RNU5A-1: variants seen among roughly 807,000 people sequenced by gnomAD.
RNU5A-1 encodes RNA, U5A small nuclear 1, also known as RNA, U5C small nuclear.
chr15:65,296,163 G>C (rs143981263), exon 1 of RNU5A-1: 2 of 152,166 alleles, frequency 1.3e-5, no homozygotes, highest in African/African-American at 4.8e-5. Context: ...GCTTTGGCAA[G>C]GCTATATGTG....
exon 1 of RNU5A-1, chr15:65,296,058 G>A (rs566067530): frequency 5.3e-5 from 8 of 152,260 alleles, no homozygotes; most frequent in African/African-American, 1.4e-4. Flanking sequence ...GGTATACTCT[G>A]GTTTCTCTTC....
At chr15:65,296,104 T>A (rs2090716832) in exon 1 of RNU5A-1, 1 of 152,190 alleles carries the variant, frequency 6.6e-6, no homozygotes, top group Non-Finnish European at 1.5e-5. Context: ...ACTAAAGATT[T>A]CCGTGGAGAG....
chr15:65,296,101 A>T (rs1017600771), exon 1 of RNU5A-1: 1 of 152,168 alleles, frequency 6.6e-6, no homozygotes, highest in Non-Finnish European at 1.5e-5. Context: ...TTTACTAAAG[A>T]TTTCCGTGGA....
At chr15:65,296,165 C>G (rs747039378) in exon 1 of RNU5A-1, 1 of 152,180 alleles carries the variant, frequency 6.6e-6, no homozygotes, top group Non-Finnish European at 1.5e-5. Flanking sequence ...TTTGGCAAGG[C>G]TATATGTGGT....
exon 1 of RNU5A-1, chr15:65,296,079 A>G (rs537298386): frequency 6.6e-6 from 1 of 152,292 alleles, no homozygotes; most frequent in East Asian, 1.9e-4. Context: ...AGATCGCATA[A>G]ATCTTTCGCC....
chr15:65,296,076 A>ATAAATCTTTCGCCT (rs1567049885), exon 1 of RNU5A-1: 1 of 152,222 alleles, frequency 6.6e-6, no homozygotes, highest in African/African-American at 2.4e-5. Context: ...TTCAGATCGC[A>ATAAATCTTTCGCCT]TAAATCTTTC....
At chr15:65,296,057 T>C (rs1178078456) in exon 1 of RNU5A-1, 15 of 152,220 alleles carry the variant, frequency 9.9e-5, no homozygotes, top group East Asian at 3.8e-4. Flanking sequence ...TGGTATACTC[T>C]GGTTTCTCTT....
rs191957732 is a variant in RNU5A-1, at chr15:65,296,131, T to C, written n.81T>C. On this transcript the variant is annotated non_coding_transcript_exon_variant, in exon 1 of 1. Transcript: ENST00000362698. ...CGTGGAGAGGAACAACTCTGAGTCT[T>C]AACCCAATTTTTTGAGGCCTTGCTT... The C allele has an allele frequency of 3.3e-5, 5 of 152,316 alleles. No individual in the cohort carries two copies. In the East Asian group the frequency reaches 7.7e-4, roughly 23 times the overall value. The allele number at this position is 152,316 out of a possible 1,614,324, so 9.4% of individuals were successfully genotyped here.
chr15:65,296,100 GA>G (rs1421109488), exon 1 of RNU5A-1: 1 of 152,172 alleles, frequency 6.6e-6, no homozygotes, highest in Non-Finnish European at 1.5e-5. Flanking sequence ...TTTTACTAAA[GA>G]TTTCCGTGGA....
chr15:65,296,080 A>T (rs767193830), exon 1 of RNU5A-1: 1 of 152,172 alleles, frequency 6.6e-6, no homozygotes, highest in African/African-American at 2.4e-5. Context: ...GATCGCATAA[A>T]TCTTTCGCCT....
At chr15:65,296,115 G>C (rs533164656) in exon 1 of RNU5A-1, 6 of 152,152 alleles carry the variant, frequency 3.9e-5, no homozygotes, top group African/African-American at 1.4e-4. Context: ...CCGTGGAGAG[G>C]AACAACTCTG....
At chr15:65,296,130 T>C (rs1262432086) in exon 1 of RNU5A-1, 1 of 152,222 alleles carries the variant, frequency 6.6e-6, no homozygotes, top group African/African-American at 2.4e-5. Flanking sequence ...ACTCTGAGTC[T>C]TAACCCAATT....
Position 65,296,112 on chromosome 15 carries a change from G to A in RNU5A-1, n.62G>A, listed in dbSNP as rs980414866. 6 of 152,186 alleles carry A rather than the reference G, an allele frequency of 3.9e-5. No individual in the cohort carries two copies. The highest frequency in any genetic ancestry group is 2.1e-4 in the South Asian group (1 of 4,834). 9.4% of individuals were successfully genotyped at this position (152,186 alleles called of 1,614,324 possible). ...GCCTTTTACTAAAGATTTCCGTGGA[G>A]AGGAACAACTCTGAGTCTTAACCCA... On this transcript the variant is annotated non_coding_transcript_exon_variant, in exon 1 of 1. Coordinates refer to ENST00000362698, the Ensembl canonical transcript of RNU5A-1.
chr15:65,296,121 C>G (rs945239022), exon 1 of RNU5A-1: 5 of 152,192 alleles, frequency 3.3e-5, no homozygotes, highest in Non-Finnish European at 7.4e-5. Flanking sequence ...AGAGGAACAA[C>G]TCTGAGTCTT....
chr15:65,296,095 C>G (rs948375705), exon 1 of RNU5A-1: 1 of 152,164 alleles, frequency 6.6e-6, no homozygotes. Flanking sequence ...TCGCCTTTTA[C>G]TAAAGATTTC....
exon 1 of RNU5A-1, chr15:65,296,065 C>T (rs566164013): frequency 1.1e-4 from 16 of 152,324 alleles, no homozygotes; most frequent in African/African-American, 1.4e-4. Flanking sequence ...TCTGGTTTCT[C>T]TTCAGATCGC....
chr15:65,296,064 T>C (rs899105085), exon 1 of RNU5A-1: 7 of 152,196 alleles, frequency 4.6e-5, no homozygotes, highest in African/African-American at 1.4e-4. Context: ...CTCTGGTTTC[T>C]CTTCAGATCG....
At chr15:65,296,077 T>TA (rs1399463113) in exon 1 of RNU5A-1, 1 of 152,248 alleles carries the variant, frequency 6.6e-6, no homozygotes, top group Non-Finnish European at 1.5e-5. Flanking sequence ...TCAGATCGCA[T>TA]AAATCTTTCG....
Position 65,296,114 on chromosome 15 carries a change from G to A in RNU5A-1, n.64G>A, listed in dbSNP as rs554767796. On this transcript the variant is annotated non_coding_transcript_exon_variant, in exon 1 of 1. Coordinates refer to ENST00000362698, the Ensembl canonical transcript of RNU5A-1. The stretch of plus-strand genomic sequence containing the variant: ...CTTTTACTAAAGATTTCCGTGGAGA[G>A]GAACAACTCTGAGTCTTAACCCAAT... 1.5e-4 allele frequency: 23 copies of A among 152,144 alleles called. No homozygotes were observed. The East Asian group carries it at 1.7e-3, about 11-fold the overall frequency. 9.4% of individuals were successfully genotyped at this position (152,144 alleles called of 1,614,324 possible). A position where few individuals can be genotyped will look rare whatever the true frequency, so the allele number is the denominator to read the frequency against.
Sources: gnomAD v4.1 joint callset for allele counts on GRCh38, gnomAD v4.1.1 for gene constraint, MANE v1.5 for transcripts, NCBI Gene and HGNC (gene_info 2026-07-23, HGNC 2026-07-21) for gene names.